The following PTPRD variants were observed in gnomAD, a reference collection of about 807,000 sequenced individuals.
PTPRD encodes the protein protein tyrosine phosphatase receptor type D, also known as receptor-type tyrosine-protein phosphatase delta.
A neutral mutation model predicts 214.5 loss-of-function variants in PTPRD; 34 were observed. That is an observed-to-expected ratio of 0.16 (90% CI 0.12 to 0.21). PTPRD has a LOEUF of 0.21. PTPRD is among the 10% of genes least tolerant of loss of function. The pLI is 1.00. For missense variants in PTPRD, 2,545 were observed against 2,398.7 expected (o/e 1.06, Z -1.27); for synonymous variants, 1,128 against 845.7 (o/e 1.33, Z -5.79).
intron 11 of PTPRD, among the ~76,000 whole-genome samples, chr9:8,741,760 G>C (rs1343840005): frequency 1.3e-5 from 2 of 151,170 alleles, no homozygotes; most frequent in Non-Finnish European, 3.0e-5. Context: ...CAAGCTAATT[G>C]TTGTATTTTT....
chr9:8,364,364 CA>C (rs758139595), intron 39 of PTPRD, among the ~76,000 whole-genome samples: 5 of 152,238 alleles, frequency 3.3e-5, no homozygotes, highest in Admixed American at 6.5e-5. Context: ...ATTTCGGTTC[CA>C]GCAGAAAAAC....
At chr9:10,332,791 C>T in intron 3 of PTPRD, among the ~76,000 whole-genome samples, 1 of 151,718 alleles carries the variant, frequency 6.6e-6, no homozygotes, top group East Asian at 2.0e-4. Context: ...GTCTTTTTAA[C>T]CACTGTGTCA....
Position 9,992,289 on chromosome 9 carries a change from T to C in PTPRD, c.-472+41429A>G, listed in dbSNP as rs141030344. On this transcript the variant is annotated intron_variant, in intron 4 of 45. Transcript: ENST00000381196. ...TACTAAAAGTTAGATGGAATGAAAA[T>C]AAAAAGTTATAATAATAAAAATTCG... Among the ~76,000 whole-genome samples, 30 of 152,214 alleles carry C rather than the reference T, an allele frequency of 2.0e-4. No homozygotes were observed. The East Asian group carries it at 5.6e-3, about 28-fold the overall frequency.
chr9:9,582,753 G>A lies in PTPRD; in HGVS notation c.-286-7972C>T, dbSNP rs138151463. On this transcript the variant is annotated intron_variant, in intron 7 of 45. Transcript: ENST00000381196. ...ATTTGTGTGGTATATTCTTCTGGAGGCTCAAATTTGTCTGAATTTCTGAAC... is the reference window on the plus strand; with the variant it reads ...ATTTGTGTGGTATATTCTTCTGGAGACTCAAATTTGTCTGAATTTCTGAAC... 2.1e-3 allele frequency among the ~76,000 whole-genome samples: 323 copies of A among 151,630 alleles called. 1 individual carries two copies. Among genetic ancestry groups the A allele is most frequent in the African/African-American group, 7.4e-3 (307 of 41,412 alleles).
chr9:8,427,830 T>C (rs2094788882), intron 35 of PTPRD, among the ~76,000 whole-genome samples: 1 of 152,128 alleles, frequency 6.6e-6, no homozygotes, highest in East Asian at 1.9e-4. Context: ...TTAAAATTGA[T>C]GGCATCGTGC....
chr9:10,286,174 T>C (rs1241091328), intron 3 of PTPRD, among the ~76,000 whole-genome samples: 2 of 152,182 alleles, frequency 1.3e-5, no homozygotes, highest in Non-Finnish European at 2.9e-5. Context: ...AATAAGGAAA[T>C]CAGTAACTAG....
intron 32 of PTPRD, among the ~76,000 whole-genome samples, chr9:8,463,274 C>G (rs2096463855): frequency 9.0e-6 from 1 of 111,080 alleles, no homozygotes; most frequent in African/African-American, 3.6e-5. Context: ...AAGATAAAAA[C>G]TCAGTATATA....
At chr9:9,580,547 CTTTTTTT>C (rs1176394314) in intron 7 of PTPRD, among the ~76,000 whole-genome samples, 67 of 123,094 alleles carry the variant, frequency 5.4e-4, no homozygotes, top group Middle Eastern at 4.5e-3. Context: ...ACTTTATTTT[CTTTTTTT>C]TTTTTTTTTT....
chr9:8,939,110 A>C lies in PTPRD; in HGVS notation c.-104+79587T>G, dbSNP rs529337532. ...CTGATTAAGGATTTAGAATACCGCA[A>C]GGTCTTTCAGAATCTCTTAATGAGA... On this transcript the variant is annotated intron_variant, in intron 11 of 45. Coordinates refer to ENST00000381196, the MANE Select transcript of PTPRD (RefSeq NM_002839.4). 3.3e-5 allele frequency among the ~76,000 whole-genome samples: 5 copies of C among 152,310 alleles called. No individual in the cohort carries two copies. The East Asian group carries it at 5.8e-4, about 18-fold the overall frequency.
chr9:9,730,783 C>T (rs890864738), intron 7 of PTPRD, among the ~76,000 whole-genome samples: 3 of 152,040 alleles, frequency 2.0e-5, no homozygotes, highest in African/African-American at 7.2e-5. Context: ...TTAGTCTCAT[C>T]TCTAAAGTGA....
intron 2 of PTPRD, among the ~76,000 whole-genome samples, chr9:10,526,200 AAT>A (rs2054237191): frequency 6.6e-6 from 1 of 152,130 alleles, no homozygotes; most frequent in South Asian, 2.1e-4. Flanking sequence ...TGAAGAATAA[AAT>A]AGCGCATTTC....
At chr9:9,226,824 C>A (rs2099959798) in intron 9 of PTPRD, among the ~76,000 whole-genome samples, 1 of 152,010 alleles carries the variant, frequency 6.6e-6, no homozygotes, top group Non-Finnish European at 1.5e-5. Context: ...AGGTACTTAA[C>A]AAATGTTGAG....
intron 11 of PTPRD, among the ~76,000 whole-genome samples, chr9:8,821,233 C>G (rs1462169585): frequency 1.3e-5 from 2 of 152,144 alleles, no homozygotes; most frequent in Admixed American, 6.5e-5. Context: ...TGGTAGCTGG[C>G]CACATACATG....
intron 9 of PTPRD, among the ~76,000 whole-genome samples, chr9:9,368,863 G>A (rs550948428): frequency 2.0e-5 from 3 of 151,608 alleles, no homozygotes; most frequent in South Asian, 4.2e-4. Flanking sequence ...CCATTAACTC[G>A]TGTCGTCATT....
intron 7 of PTPRD, among the ~76,000 whole-genome samples, chr9:9,688,010 C>G (rs1476106312): frequency 6.6e-6 from 1 of 151,770 alleles, no homozygotes; most frequent in East Asian, 1.9e-4. Flanking sequence ...CTGATGATTT[C>G]AAACGTGGCA....
intron 2 of PTPRD, among the ~76,000 whole-genome samples, chr9:10,426,201 T>C (rs1037878522): frequency 7.9e-5 from 12 of 152,014 alleles, no homozygotes; most frequent in African/African-American, 1.9e-4. Context: ...AATCAGCAAC[T>C]CTTGCTTTTT....
intron 3 of PTPRD, among the ~76,000 whole-genome samples, chr9:10,292,277 T>G (rs2095549204): frequency 6.6e-6 from 1 of 152,008 alleles, no homozygotes; most frequent in Non-Finnish European, 1.5e-5. Context: ...GCCTTCAATG[T>G]CTCTGAAATC....
chr9:8,924,965 T>C (rs925040560), intron 11 of PTPRD, among the ~76,000 whole-genome samples: 3 of 152,166 alleles, frequency 2.0e-5, no homozygotes, highest in Non-Finnish European at 2.9e-5. Context: ...GTGGTGGAAA[T>C]GAACATCATG....
At chr9:9,830,676 C>T (rs1337325194) in intron 5 of PTPRD, among the ~76,000 whole-genome samples, 3 of 151,798 alleles carry the variant, frequency 2.0e-5, no homozygotes, top group African/African-American at 4.8e-5. Flanking sequence ...TATTGACAGA[C>T]TGGCACAAAT....
Sources: allele counts gnomAD v4.1 joint callset (sites outside exome capture counted in the v4.1 genomes callset), GRCh38; gene constraint gnomAD v4.1.1; transcripts MANE v1.5; gene names NCBI Gene and HGNC (gene_info 2026-07-23, HGNC 2026-07-21).